PANK1: variants seen among roughly 807,000 people sequenced by gnomAD.
PANK1 encodes pantothenate kinase 1.
A neutral mutation model predicts 40.1 loss-of-function variants in PANK1; 18 were observed. The observed-to-expected ratio is 0.45, with a 90% confidence interval of 0.31 to 0.67. The LOEUF (loss-of-function observed/expected upper bound fraction) is 0.67, where lower values mean the gene tolerates loss of function less well. Among genes scored for constraint, PANK1 ranks in the 30% least tolerant of loss-of-function variants. The pLI is 0.06. For missense variants in PANK1, 457 were observed against 599.6 expected, an observed-to-expected ratio of 0.76 and a Z score of 2.48; for synonymous variants, 242 against 237.7, an observed-to-expected ratio of 1.02 and a Z score of -0.17.
At chr10:89,616,569 C>T (rs1262267619) in intron 1 of PANK1, among the ~76,000 whole-genome samples, 3 of 151,922 alleles carry the variant, frequency 2.0e-5, no homozygotes, top group East Asian at 1.9e-4. Context: ...TAGTGTACTA[C>T]GACTATGCCT....
At chr10:89,592,868 T>C (rs953910320) in intron 5 of PANK1, 3 of 547,466 alleles carry the variant, frequency 5.5e-6, no homozygotes, top group African/African-American at 3.8e-5. Context: ...CCTGCAGTTA[T>C]GTGCAAGGAT....
intron 3 of PANK1, among the ~76,000 whole-genome samples, chr10:89,598,052 A>G (rs185715022): frequency 9.2e-5 from 14 of 152,330 alleles, no homozygotes; most frequent in Admixed American, 9.2e-4. Context: ...CAGCAGCATT[A>G]GTGATATTTG....
chr10:89,609,032 A>G (rs1211722499), intron 2 of PANK1, among the ~76,000 whole-genome samples: 3 of 151,994 alleles, frequency 2.0e-5, no homozygotes, highest in Non-Finnish European at 2.9e-5. Flanking sequence ...TTTTCCCTCC[A>G]TTCATAGTAA....
At chr10:89,591,832 C>A (rs1844398433) in intron 5 of PANK1, among the ~76,000 whole-genome samples, 1 of 152,204 alleles carries the variant, frequency 6.6e-6, no homozygotes, top group South Asian at 2.1e-4. Context: ...CAAAGGGATT[C>A]TGATGCCTGT....
Position 89,645,088 on chromosome 10 carries a change from CCG to C in PANK1, c.-199_-198del. ...CCCCACCTCCTCTGCGCCCTGCCCC[CCG>C]CGCGCCGGCCCCACGGCGCCGGCCT... is the stretch of plus-strand genomic sequence containing the variant. On this transcript the variant is annotated 5_prime_UTR_variant, in exon 1 of 7. Transcript: ENST00000307534. 1.3e-6 allele frequency: 2 copies of C among 1,498,664 alleles called. No individual in the cohort carries two copies. Among genetic ancestry groups the C allele is most frequent in the South Asian group, 2.6e-5 (2 of 76,578 alleles). The allele number at this position is 1,498,664 out of a possible 1,614,324, so 92.8% of individuals were successfully genotyped here. A position where few individuals can be genotyped will look rare whatever the true frequency, so the allele number is the denominator to read the frequency against.
intron 1 of PANK1, among the ~76,000 whole-genome samples, chr10:89,623,423 A>G (rs886590579): frequency 5.3e-5 from 8 of 151,454 alleles, no homozygotes; most frequent in Non-Finnish European, 1.0e-4. Context: ...ACGAGGTTTC[A>G]CCATGTTAGC....
At chr10:89,643,986 G>C in intron 1 of PANK1, 2 of 674,288 alleles carry the variant, frequency 3.0e-6, no homozygotes, top group Non-Finnish European at 4.4e-6. Flanking sequence ...GGTCCACATA[G>C]TTCCGGCCCA....
chr10:89,643,675 T>A lies in PANK1; in HGVS notation c.292+925A>T, dbSNP rs1198767876. 1.9e-6 allele frequency: 3 copies of A among 1,577,496 alleles called. No homozygotes were observed. The Admixed American group carries it at 5.0e-5, about 26-fold the overall frequency. ...TAACCTCTATGCAAATGCAGTCATT[T>A]ATTAGCATTTACTGTACTTACTTTG... On this transcript the variant is annotated intron_variant, in intron 1 of 6. Transcript: ENST00000307534.
chr10:89,607,121 T>G (rs970942055), intron 2 of PANK1, among the ~76,000 whole-genome samples: 1 of 152,282 alleles, frequency 6.6e-6, no homozygotes, highest in Non-Finnish European at 1.5e-5. Context: ...GTTTTCACCA[T>G]GCCTTTCTCA....
intron 1 of PANK1, among the ~76,000 whole-genome samples, chr10:89,630,798 G>A (rs72818732): frequency 0.16 from 23,725 of 152,164 alleles, 2,360 homozygotes; most frequent in Non-Finnish European, 0.22. Flanking sequence ...GGCCTCTAAT[G>A]TGCTTTGTAA....
intron 1 of PANK1, chr10:89,643,606 A>G: frequency 2.0e-6 from 2 of 1,005,740 alleles, no homozygotes; most frequent in Non-Finnish European, 1.5e-6. Flanking sequence ...AAACTTTCAC[A>G]GAAATCCAAA....
At position 89,593,960 on chromosome 10, in the gene PANK1, CAT is replaced by C; in HGVS notation, c.927_928del (p.Cys310LeufsTer7). On this transcript the variant is annotated frameshift_variant, in exon 4 of 7. Transcript: ENST00000307534. LOFTEE classifies it high-confidence loss of function. ...GGTCTCACAACCAGTCAGCAAGCAA[CAT>C]AGGCCTAGGAATGTTCCACCTCCAA... is the stretch of plus-strand genomic sequence containing the variant. The C allele has an allele frequency of 6.2e-7, 1 of 1,613,796 alleles. No individual in the cohort carries two copies. Among genetic ancestry groups the C allele is most frequent in the Non-Finnish European group, 8.5e-7 (1 of 1,179,714 alleles).
At chr10:89,605,612 A>G (rs1393528990) in intron 2 of PANK1, among the ~76,000 whole-genome samples, 1 of 152,168 alleles carries the variant, frequency 6.6e-6, no homozygotes, top group Non-Finnish European at 1.5e-5. Flanking sequence ...GGCTAGTTCT[A>G]CCATATCTGC....
intron 5 of PANK1, among the ~76,000 whole-genome samples, chr10:89,591,475 TG>T (rs1271293932): frequency 3.9e-5 from 6 of 152,240 alleles, no homozygotes; most frequent in Admixed American, 3.9e-4. Flanking sequence ...GTAAACGTGG[TG>T]TCCCTCAATG....
chr10:89,604,160 G>A (rs761142924), intron 2 of PANK1, among the ~76,000 whole-genome samples: 4 of 152,106 alleles, frequency 2.6e-5, no homozygotes, highest in Admixed American at 1.3e-4. Flanking sequence ...AATGTCAACC[G>A]AATAAGACTG....
intron 3 of PANK1, among the ~76,000 whole-genome samples, 195 bp from the exon 4 acceptor site, chr10:89,594,184 T>G (rs1199401434): frequency 1.3e-5 from 2 of 152,042 alleles, no homozygotes; most frequent in Non-Finnish European, 2.9e-5. Context: ...AAAATAAACA[T>G]CAAGGAAAAT....
At chr10:89,607,130 C>A (rs1564625323) in intron 2 of PANK1, among the ~76,000 whole-genome samples, 1 of 152,236 alleles carries the variant, frequency 6.6e-6, no homozygotes, top group African/African-American at 2.4e-5. Context: ...ATGCCTTTCT[C>A]ACTAAGCGTA....
intron 1 of PANK1, among the ~76,000 whole-genome samples, chr10:89,636,098 C>A (rs536511761): frequency 3.5e-4 from 54 of 152,238 alleles, no homozygotes; most frequent in African/African-American, 1.2e-3. Context: ...GCTGGTAGGT[C>A]TAGAGTTCTG....
At chr10:89,640,627 T>C (rs727427) in intron 1 of PANK1, among the ~76,000 whole-genome samples, 50,760 of 152,058 alleles carry the variant, frequency 0.33, 9,388 homozygotes, top group African/African-American at 0.49. Flanking sequence ...TAGTTAAATA[T>C]ATTAGAAGTC....
Sources: gnomAD v4.1 joint callset for allele counts (sites outside exome capture counted in the v4.1 genomes callset) on GRCh38, gnomAD v4.1.1 for gene constraint, MANE v1.5 for transcripts, NCBI Gene and HGNC (gene_info 2026-07-23, HGNC 2026-07-21) for gene names.